The following AGO2 variants were observed in gnomAD, a reference collection of about 807,000 sequenced individuals.
AGO2 encodes the protein protein argonaute-2.
Under a neutral mutation model 102.3 loss-of-function variants are expected in AGO2, and 5 were observed. The observed-to-expected ratio is 0.05, with a 90% CI of 0.03 to 0.10. The LOEUF is 0.10. Ranked by LOEUF, AGO2 falls within the 10% of genes least tolerant of loss-of-function variation. AGO2 has a pLI of 1.00. For synonymous variants in AGO2, 449 were observed against 473.1 expected (o/e 0.95, Z 0.66); for missense variants, 541 against 1,183.7 (o/e 0.46, Z 7.97).
Position 140,520,710 on chromosome 8 carries a change from A to AG in AGO2, c.*11333_*11334insC, listed in dbSNP as rs1311585892. 1 of 151,568 alleles carries AG rather than the reference A, an allele frequency of 6.6e-6. No individual in the cohort carries two copies. The highest frequency in any genetic ancestry group is 1.9e-4 in the East Asian group (1 of 5,162). 9.4% of individuals were successfully genotyped at this position (151,568 alleles called of 1,614,324 possible). A position where few individuals can be genotyped will look rare whatever the true frequency, so the allele number is the denominator to read the frequency against. On this transcript the variant is annotated 3_prime_UTR_variant, in exon 19 of 19. Coordinates refer to ENST00000220592, the MANE Select transcript of AGO2 (RefSeq NM_012154.5). ...AGGTCTGTGTTGGGGGAAAAAAAAA[A>AG]AGGTGACATGATTTTTAACCTTGAG...
chr8:140,532,132 G>A lies in AGO2; in HGVS notation c.2492C>T (p.Ser831Phe), dbSNP rs1366126348. Residue 831 changes from serine to phenylalanine, a missense_variant, in exon 19 of 19, where the codon TCT becomes TTT. Ser to Phe is a radical substitution (Grantham distance 155, BLOSUM62 -2). Around this residue, in one of 6 missense-constraint regions of AGO2, gnomAD observed 309 missense variants for 735.1 expected, o/e 0.42. Transcript: ENST00000220592. ...GTGGTCTCGCCCGTTACTCTGCCCA[G>A]AGGTATGGCTTCCTTCAGCACTGCA... ...EHDSAEGSHT[S>F]GQSNGRDHQA... 6.2e-7 allele frequency: 1 copy of A among 1,614,170 alleles called. No homozygotes were observed.
Position 140,562,632 on chromosome 8 carries a change from C to T in AGO2, c.339G>A (p.Val113=). 1 of 1,613,102 alleles carries T rather than the reference C, an allele frequency of 6.2e-7. No individual in the cohort carries two copies. The highest frequency in any genetic ancestry group is 8.5e-7 in the Non-Finnish European group (1 of 1,179,624). ...AMPLPIGRDK[V]ELEVTLPGEG... is the part of the protein sequence containing the mutation. Reference sequence around the variant, plus strand: ...CTCCTGGCAGCGTGACCTCCAGCTCCACCTGCGAGGATCCAAGGCACACAA... The same window carrying T: ...CTCCTGGCAGCGTGACCTCCAGCTCTACCTGCGAGGATCCAAGGCACACAA... Residue 113 remains valine, a splice_region_variant and synonymous_variant, in exon 4 of 19, where the codon GTG becomes GTA. Transcript: ENST00000220592.
At chr8:140,548,121 G>C (rs1233985217) in intron 12 of AGO2, among the ~76,000 whole-genome samples, 1 of 152,156 alleles carries the variant, frequency 6.6e-6, no homozygotes, top group African/African-American at 2.4e-5. Flanking sequence ...TTCAAGACCA[G>C]CCTGGCCAAC....
At chr8:140,554,054 A>G (rs1449762232) in intron 10 of AGO2, among the ~76,000 whole-genome samples, 1 of 152,220 alleles carries the variant, frequency 6.6e-6, no homozygotes, top group Non-Finnish European at 1.5e-5. Flanking sequence ...GTTGGCTTAC[A>G]CAAGCTCTTC....
At chr8:140,537,122 G>C (rs1043437560) in intron 16 of AGO2, among the ~76,000 whole-genome samples, 1 of 152,148 alleles carries the variant, frequency 6.6e-6, no homozygotes, top group African/African-American at 2.4e-5. Context: ...CGTTTCTACT[G>C]TTGATTTAAA....
intron 5 of AGO2, 96 bp from the exon 6 acceptor site, chr8:140,559,625 T>A: frequency 1.3e-6 from 2 of 1,514,236 alleles, no homozygotes; most frequent in Non-Finnish European, 1.8e-6. Context: ...AGGCCAGCCA[T>A]GGTGGGGACA....
chr8:140,547,663 C>A, intron 12 of AGO2, 36 bp from the exon 13 acceptor site: 1 of 1,583,044 alleles, frequency 6.3e-7, no homozygotes. Flanking sequence ...GCTCTGCCGG[C>A]GCCCCTTCCT....
chr8:140,549,841 T>A (rs2072966006), intron 11 of AGO2, among the ~76,000 whole-genome samples: 1 of 152,204 alleles, frequency 6.6e-6, no homozygotes, highest in South Asian at 2.1e-4. Context: ...TGGCAGCAGC[T>A]GGCAACGGCT....
chr8:140,568,287 GAA>G (rs4058201), intron 3 of AGO2, among the ~76,000 whole-genome samples: 13 of 132,064 alleles, frequency 9.8e-5, no homozygotes, highest in East Asian at 4.4e-4. Flanking sequence ...ATGTCTGGGG[GAA>G]AAAAAAAAAA....
At position 140,597,466 on chromosome 8, in the gene AGO2, G is replaced by GCCC. The variant is rs201167667; in HGVS notation, c.23-12158_23-12156dup. On this transcript the variant is annotated intron_variant, in intron 1 of 18. Coordinates refer to ENST00000220592, the MANE Select transcript of AGO2 (RefSeq NM_012154.5). The stretch of plus-strand genomic sequence containing the variant: ...CACGGACACCGATGGGGGCTGGGTG[G>GCCC]CCCCCCCACCCCCCCCCCCCCGCCC... 1.4e-3 allele frequency among the ~76,000 whole-genome samples: 68 copies of GCCC among 48,394 alleles called. 1 individual carries two copies. The highest frequency in any genetic ancestry group is 2.1e-3 in the African/African-American group (25 of 12,094). 31.7% of individuals were successfully genotyped at this position (48,394 alleles called of 152,430 possible).
intron 1 of AGO2, among the ~76,000 whole-genome samples, chr8:140,595,094 A>T (rs1412035947): frequency 1.3e-5 from 2 of 152,290 alleles, no homozygotes; most frequent in East Asian, 3.9e-4. Context: ...TGATCTGGTA[A>T]CTCAACACCT....
At chr8:140,634,639 T>C (rs2074380381) in intron 1 of AGO2, among the ~76,000 whole-genome samples, 1 of 152,172 alleles carries the variant, frequency 6.6e-6, no homozygotes, top group Admixed American at 6.5e-5. Flanking sequence ...TTTTAGAACT[T>C]TTCCAGAGAA....
chr8:140,582,130 T>A (rs929079513), intron 2 of AGO2, among the ~76,000 whole-genome samples: 2 of 152,204 alleles, frequency 1.3e-5, no homozygotes, highest in South Asian at 4.1e-4. Context: ...GGAAAAGCAA[T>A]AGATCTAGAA....
chr8:140,537,256 A>T (rs2072714415), intron 16 of AGO2, among the ~76,000 whole-genome samples: 1 of 152,060 alleles, frequency 6.6e-6, no homozygotes, highest in African/African-American at 2.4e-5. Context: ...TTTGTAGGGA[A>T]GATTCTATCT....
chr8:140,584,978 G>T, intron 2 of AGO2, 141 bp downstream of exon 2: 1 of 727,532 alleles, frequency 1.4e-6, no homozygotes, highest in Non-Finnish European at 2.1e-6. Flanking sequence ...CTGAAAAACT[G>T]TTTTTGAAAA....
chr8:140,639,093 T>A (rs977518744), upstream of AGO2, among the ~76,000 whole-genome samples: 4 of 152,120 alleles, frequency 2.6e-5, no homozygotes, highest in Admixed American at 1.3e-4. Flanking sequence ...GGTTTCAAAT[T>A]CCTGGGCTCA....
intron 1 of AGO2, among the ~76,000 whole-genome samples, chr8:140,613,132 G>A (rs758043589): frequency 1.3e-5 from 2 of 151,982 alleles, no homozygotes; most frequent in East Asian, 3.9e-4. Context: ...CCCGGGAGGC[G>A]GAGCTTGCAG....
chr8:140,567,653 G>C lies in AGO2; in HGVS notation c.337-5019C>G, dbSNP rs942619987. ...AATAGAAAATGTCAGCCCAGGACTC[G>C]ATCCAAGGCCTGGAGCACGGCGAGG... On this transcript the variant is annotated intron_variant, in intron 3 of 18. Coordinates refer to ENST00000220592, the MANE Select transcript of AGO2 (RefSeq NM_012154.5). The surrounding 1 kb of genome is among the most constrained non-coding windows in gnomAD (Gnocchi z 5.0). 6.6e-6 allele frequency among the ~76,000 whole-genome samples: 1 copy of C among 152,210 alleles called. No homozygotes were observed. The highest frequency in any genetic ancestry group is 1.5e-5 in the Non-Finnish European group (1 of 68,042).
chr8:140,607,067 T>G (rs2074007368), intron 1 of AGO2, among the ~76,000 whole-genome samples: 1 of 151,904 alleles, frequency 6.6e-6, no homozygotes, highest in African/African-American at 2.4e-5. Context: ...CTGACCAACA[T>G]GGAGAAACCC....
Sources: allele counts gnomAD v4.1 joint callset (sites outside exome capture counted in the v4.1 genomes callset), GRCh38; gene constraint gnomAD v4.1.1; regional missense constraint gnomAD v4.1.1; non-coding constraint Gnocchi (gnomAD v3.1); transcripts MANE v1.5; gene names NCBI Gene and HGNC (gene_info 2026-07-23, HGNC 2026-07-21).